The following SLCO5A1 variants were observed in gnomAD, a reference collection of about 807,000 sequenced individuals.
SLCO5A1 encodes the protein organic anion transporter polypeptide-related protein 4.
In SLCO5A1, 39 loss-of-function variants were observed where a neutral mutation model predicts 65.1. The ratio of observed to expected loss-of-function variants is 0.60; its 90% CI spans 0.46 to 0.78. The LOEUF (loss-of-function observed/expected upper bound fraction) is 0.78. SLCO5A1 is among the 30% of genes least tolerant of loss of function. The probability of loss-of-function intolerance (pLI) is 0.00; values close to 1 mark genes in which losing one functional copy is unlikely to be tolerated. For synonymous variants in SLCO5A1, 438 were observed against 415.7 expected (o/e 1.05, Z -0.65); for missense variants, 1,029 against 1,069.4 (o/e 0.96, Z 0.53).
intron 2 of SLCO5A1, among the ~76,000 whole-genome samples, chr8:69,782,807 C>T (rs1818853622): frequency 4.6e-5 from 7 of 152,164 alleles, no homozygotes; most frequent in Admixed American, 4.6e-4. Flanking sequence ...AATGACCCAT[C>T]TAATACCAGG....
At chr8:69,717,635 C>A (rs1330770113) in intron 5 of SLCO5A1, among the ~76,000 whole-genome samples, 1 of 152,086 alleles carries the variant, frequency 6.6e-6, no homozygotes, top group Non-Finnish European at 1.5e-5. Flanking sequence ...GCAAAGAAGC[C>A]AGTTGGAATT....
chr8:69,827,003 T>C (rs188671227), intron 2 of SLCO5A1, among the ~76,000 whole-genome samples: 1 of 152,166 alleles, frequency 6.6e-6, no homozygotes, highest in East Asian at 1.9e-4. Flanking sequence ...TGTAGGGACA[T>C]GGATGAAGCT....
At chr8:69,686,599 C>A (rs143982956) in intron 6 of SLCO5A1, among the ~76,000 whole-genome samples, 1 of 152,092 alleles carries the variant, frequency 6.6e-6, no homozygotes, top group Non-Finnish European at 1.5e-5. Flanking sequence ...ATCTTTCAGA[C>A]GAAGAAATTG....
At chr8:69,825,938 A>G in intron 2 of SLCO5A1, among the ~76,000 whole-genome samples, 1 of 152,228 alleles carries the variant, frequency 6.6e-6, no homozygotes, top group East Asian at 1.9e-4. Context: ...AGAGATATAG[A>G]TCAATGGAAC....
At chr8:69,760,711 G>A (rs1817731679) in intron 3 of SLCO5A1, among the ~76,000 whole-genome samples, 1 of 152,144 alleles carries the variant, frequency 6.6e-6, no homozygotes, top group East Asian at 1.9e-4. Context: ...TTCAGTTAGT[G>A]CTTGCAATTG....
intron 4 of SLCO5A1, among the ~76,000 whole-genome samples, chr8:69,752,906 A>G (rs1817380024): frequency 6.6e-6 from 1 of 152,252 alleles, no homozygotes; most frequent in South Asian, 2.1e-4. Flanking sequence ...CCAACTACCC[A>G]TCACCATTCA....
intron 6 of SLCO5A1, among the ~76,000 whole-genome samples, chr8:69,697,425 T>C (rs987877714): frequency 1.3e-5 from 2 of 152,060 alleles, no homozygotes; most frequent in Non-Finnish European, 2.9e-5. Context: ...CACACAGCTC[T>C]ACGAACAGTG....
intron 2 of SLCO5A1, among the ~76,000 whole-genome samples, chr8:69,786,675 T>C (rs1819052298): frequency 6.6e-6 from 1 of 152,202 alleles, no homozygotes; most frequent in Non-Finnish European, 1.5e-5. Context: ...AACAACTTAA[T>C]AGTTGTTTTT....
At chr8:69,717,469 A>G (rs1815605988) in intron 5 of SLCO5A1, among the ~76,000 whole-genome samples, 1 of 152,182 alleles carries the variant, frequency 6.6e-6, no homozygotes, top group Non-Finnish European at 1.5e-5. Flanking sequence ...GTCTGCTTTA[A>G]TCCCACACCA....
At position 69,708,331 on chromosome 8, in the gene SLCO5A1, T is replaced by C. The variant is rs1462414214; in HGVS notation, c.1424-3102A>G. Reference sequence around the variant, plus strand: ...GAGATGTCTTCCTTTTACCTTAGCCTTAGAATGAAGATTACAGGCACTATC... The same window carrying C: ...GAGATGTCTTCCTTTTACCTTAGCCCTAGAATGAAGATTACAGGCACTATC... On this transcript the variant is annotated intron_variant, in intron 5 of 9. Transcript: ENST00000260126. Among the ~76,000 whole-genome samples the C allele has an allele frequency of 2.0e-5, 3 of 152,182 alleles. No homozygotes were observed. In the East Asian group the frequency reaches 5.8e-4, roughly 29 times the overall value.
intron 2 of SLCO5A1, among the ~76,000 whole-genome samples, chr8:69,820,619 G>A (rs1194792851): frequency 6.6e-6 from 1 of 151,972 alleles, no homozygotes; most frequent in African/African-American, 2.4e-5. Flanking sequence ...GATTGCTGTG[G>A]TCAGGAGTTC....
intron 4 of SLCO5A1, among the ~76,000 whole-genome samples, chr8:69,752,891 A>T (rs1024666566): frequency 6.6e-6 from 1 of 152,246 alleles, no homozygotes; most frequent in Non-Finnish European, 1.5e-5. Context: ...AACAGATTTT[A>T]TAAACCAACT....
intron 5 of SLCO5A1, among the ~76,000 whole-genome samples, chr8:69,718,265 T>A (rs1189330068): frequency 2.0e-5 from 3 of 152,236 alleles, no homozygotes; most frequent in Non-Finnish European, 4.4e-5. Flanking sequence ...TTGAACATAT[T>A]TATTAGTTCT....
intron 3 of SLCO5A1, 200 bp downstream of exon 3, chr8:69,761,543 T>C (rs1465398561): frequency 3.5e-6 from 2 of 573,496 alleles, no homozygotes; most frequent in African/African-American, 1.9e-5. Context: ...CCTCTTGCCA[T>C]GTAAGATAAC....
chr8:69,741,796 T>C (rs978478112), intron 4 of SLCO5A1, among the ~76,000 whole-genome samples: 3 of 152,184 alleles, frequency 2.0e-5, no homozygotes, highest in Non-Finnish European at 4.4e-5. Flanking sequence ...TCAAAGTTAA[T>C]GGATATACAA....
At chr8:69,771,621 G>C (rs1384143958) in intron 2 of SLCO5A1, among the ~76,000 whole-genome samples, 1 of 152,102 alleles carries the variant, frequency 6.6e-6, no homozygotes, top group East Asian at 1.9e-4. Context: ...TTTGTGATCA[G>C]TTTTGGTGAT....
intron 7 of SLCO5A1, 128 bp from the exon 8 acceptor site, chr8:69,679,747 C>T (rs1586674295): frequency 1.6e-6 from 2 of 1,287,770 alleles, no homozygotes; most frequent in Non-Finnish European, 2.1e-6. Context: ...CAAAATATTT[C>T]ATTGAAAGTA....
intron 2 of SLCO5A1, among the ~76,000 whole-genome samples, chr8:69,815,620 C>A (rs1248198345): frequency 6.7e-6 from 1 of 148,542 alleles, no homozygotes; most frequent in African/African-American, 2.5e-5. Context: ...CCTAAAGGCA[C>A]CACAACTAAA....
chr8:69,731,460 C>T (rs1157317099), intron 5 of SLCO5A1, among the ~76,000 whole-genome samples: 1 of 152,206 alleles, frequency 6.6e-6, no homozygotes, highest in Non-Finnish European at 1.5e-5. Flanking sequence ...GTCTTAAAAA[C>T]ATTGTTAAAG....
Sources: gnomAD v4.1 joint callset for allele counts (sites outside exome capture counted in the v4.1 genomes callset) on GRCh38, gnomAD v4.1.1 for gene constraint, MANE v1.5 for transcripts, NCBI Gene and HGNC (gene_info 2026-07-23, HGNC 2026-07-21) for gene names.